PTPRD: variants seen among roughly 807,000 people sequenced by gnomAD.
PTPRD encodes the protein receptor-type tyrosine-protein phosphatase delta.
A neutral mutation model predicts 214.5 loss-of-function variants in PTPRD; 34 were observed. The ratio of observed to expected loss-of-function variants is 0.16; its 90% CI spans 0.12 to 0.21. The LOEUF (loss-of-function observed/expected upper bound fraction) is 0.21. Ranked by LOEUF, PTPRD falls within the 10% of genes least tolerant of loss-of-function variation. The probability of loss-of-function intolerance (pLI) is 1.00; values close to 1 mark genes in which losing one functional copy is unlikely to be tolerated. For synonymous variants in PTPRD, 1,128 were observed against 845.7 expected (o/e 1.33, Z -5.79); for missense variants, 2,545 against 2,398.7 (o/e 1.06, Z -1.27).
chr9:9,056,473 C>T lies in PTPRD; in HGVS notation c.-142-37738G>A, dbSNP rs529527488. Among the ~76,000 whole-genome samples, 32 of 152,296 alleles carry T rather than the reference C, an allele frequency of 2.1e-4. 1 individual carries two copies. In the South Asian group the frequency reaches 5.2e-3, roughly 25 times the overall value. On this transcript the variant is annotated intron_variant, in intron 10 of 45. Coordinates refer to ENST00000381196, the MANE Select transcript of PTPRD (RefSeq NM_002839.4). ...CCACCTAACCTGCAGTTTTGAATTC[C>T]TCATCTGATCAAGGGAATGATTAGC...
At chr9:8,974,744 T>C (rs948232804) in intron 11 of PTPRD, among the ~76,000 whole-genome samples, 5 of 152,060 alleles carry the variant, frequency 3.3e-5, no homozygotes, top group Non-Finnish European at 1.5e-5. Context: ...TAATAGTATA[T>C]ACTATTAGTA....
At chr9:10,172,502 C>G (rs962085889) in intron 3 of PTPRD, among the ~76,000 whole-genome samples, 1 of 152,222 alleles carries the variant, frequency 6.6e-6, no homozygotes, top group Non-Finnish European at 1.5e-5. Flanking sequence ...GTTCTAACAT[C>G]TAACCACTTT....
intron 11 of PTPRD, among the ~76,000 whole-genome samples, chr9:8,787,687 A>G (rs2096047878): frequency 6.6e-6 from 1 of 152,050 alleles, no homozygotes; most frequent in South Asian, 2.1e-4. Flanking sequence ...ACAGGAGGGG[A>G]AGGAAGGAGA....
intron 10 of PTPRD, among the ~76,000 whole-genome samples, chr9:9,060,676 G>A (rs1384712671): frequency 1.3e-5 from 2 of 151,908 alleles, no homozygotes; most frequent in East Asian, 1.9e-4. Context: ...AGAAAAAAAA[G>A]AGCAGGATAT....
chr9:9,274,775 T>A (rs566241440), intron 9 of PTPRD, among the ~76,000 whole-genome samples: 6 of 150,834 alleles, frequency 4.0e-5, no homozygotes, highest in Admixed American at 2.0e-4. Context: ...TCAAATTTTG[T>A]GAATATTAGC....
At chr9:9,647,181 C>T (rs539781360) in intron 7 of PTPRD, among the ~76,000 whole-genome samples, 6 of 152,096 alleles carry the variant, frequency 3.9e-5, no homozygotes, top group Admixed American at 2.6e-4. Context: ...CTTTCCCCCC[C>T]CTCTTTCTAG....
intron 3 of PTPRD, among the ~76,000 whole-genome samples, chr9:10,339,450 G>C (rs1472825234): frequency 6.6e-6 from 1 of 151,494 alleles, no homozygotes; most frequent in Non-Finnish European, 1.5e-5. Flanking sequence ...AATCTTCAAA[G>C]CACAAAAAGC....
At chr9:10,324,297 C>A (rs56040585) in intron 3 of PTPRD, among the ~76,000 whole-genome samples, 8,126 of 152,022 alleles carry the variant, frequency 0.053, 359 homozygotes, top group South Asian at 0.15. Flanking sequence ...CAAATAGTAT[C>A]AATGCAGATA....
chr9:9,830,706 T>C (rs528438779), intron 5 of PTPRD, among the ~76,000 whole-genome samples: 1 of 151,974 alleles, frequency 6.6e-6, no homozygotes, highest in Admixed American at 6.6e-5. Context: ...CAATATAATA[T>C]TGAAAGACTG....
In PTPRD at chr9:10,159,824, G is replaced by C. The variant is rs1358120765; in HGVS notation, c.-544-126034C>G. 2.0e-5 allele frequency among the ~76,000 whole-genome samples: 3 copies of C among 151,672 alleles called. No individual in the cohort carries two copies. The East Asian group carries it at 5.8e-4, about 29-fold the overall frequency. On this transcript the variant is annotated intron_variant, in intron 3 of 45. Transcript: ENST00000381196. ...AATACACAGCTAGAGGGAAAAAAAAGATTGAAAATTAAGGAAAGTAAGCTA... is the reference window on the plus strand; with the variant it reads ...AATACACAGCTAGAGGGAAAAAAAACATTGAAAATTAAGGAAAGTAAGCTA...
intron 2 of PTPRD, among the ~76,000 whole-genome samples, chr9:10,563,922 T>A (rs1296641929): frequency 1.3e-5 from 2 of 151,890 alleles, no homozygotes; most frequent in Admixed American, 6.6e-5. Context: ...TATAAAATTA[T>A]GTTTGATAGA....
chr9:9,468,900 A>C (rs1305740031), intron 8 of PTPRD, among the ~76,000 whole-genome samples: 2 of 152,130 alleles, frequency 1.3e-5, no homozygotes, highest in Non-Finnish European at 2.9e-5. Flanking sequence ...TGATCAGGGC[A>C]AATTCTCATG....
chr9:8,559,804 G>T (rs989746507), intron 14 of PTPRD, among the ~76,000 whole-genome samples: 1 of 152,158 alleles, frequency 6.6e-6, no homozygotes, highest in Admixed American at 6.5e-5. Context: ...TGAGAAGTCA[G>T]CTTCAAAGAA....
intron 10 of PTPRD, among the ~76,000 whole-genome samples, chr9:9,113,034 A>G (rs930310082): frequency 6.6e-6 from 1 of 151,328 alleles, no homozygotes; most frequent in Non-Finnish European, 1.5e-5. Context: ...GCTCAATTAT[A>G]GCTCACTGCA....
At chr9:9,759,051 T>G (rs1213997684) in intron 6 of PTPRD, among the ~76,000 whole-genome samples, 1 of 152,114 alleles carries the variant, frequency 6.6e-6, no homozygotes, top group African/African-American at 2.4e-5. Context: ...CCTCAAGATT[T>G]CAGACTTTTT....
intron 14 of PTPRD, among the ~76,000 whole-genome samples, chr9:8,535,098 C>G (rs1244312770): frequency 2.0e-5 from 3 of 151,724 alleles, no homozygotes; most frequent in Non-Finnish European, 4.4e-5. Flanking sequence ...CAAGCACATA[C>G]ACAGGAAGAT....
chr9:9,667,086 G>A (rs754946869), intron 7 of PTPRD, among the ~76,000 whole-genome samples: 39 of 152,012 alleles, frequency 2.6e-4, no homozygotes, highest in Non-Finnish European at 4.0e-4. Flanking sequence ...TTCACAATCT[G>A]ATTCCTGTAT....
At chr9:9,478,641 C>G (rs749788101) in intron 8 of PTPRD, among the ~76,000 whole-genome samples, 3 of 152,104 alleles carry the variant, frequency 2.0e-5, no homozygotes, top group Non-Finnish European at 4.4e-5. Context: ...AAAGAGTTAG[C>G]CTTTTGTAAG....
intron 5 of PTPRD, among the ~76,000 whole-genome samples, chr9:9,787,572 G>C (rs1166901715): frequency 6.6e-6 from 1 of 151,476 alleles, no homozygotes; most frequent in South Asian, 2.1e-4. Context: ...TAAGATTTCA[G>C]AAAAAGAAAA....
Sources: gnomAD v4.1 joint callset for allele counts (sites outside exome capture counted in the v4.1 genomes callset) on GRCh38, gnomAD v4.1.1 for gene constraint, MANE v1.5 for transcripts, NCBI Gene and HGNC (gene_info 2026-07-23, HGNC 2026-07-21) for gene names.